PCDH7: variants seen among roughly 807,000 people sequenced by gnomAD.
PCDH7 encodes protocadherin-7.
In PCDH7, 17 loss-of-function variants were observed where a neutral mutation model predicts 58.9. The ratio of observed to expected loss-of-function variants is 0.29; its 90% CI spans 0.20 to 0.43. PCDH7 has a LOEUF of 0.43. Ranked by LOEUF, PCDH7 falls within the 20% of genes least tolerant of loss-of-function variation. The pLI is 1.00. For synonymous variants in PCDH7, 664 were observed against 616.4 expected (o/e 1.08, Z -1.14); for missense variants, 1,274 against 1,441.0 (o/e 0.88, Z 1.88).
At chr4:30,788,700 A>T (rs1353717189) in intron 1 of PCDH7, among the ~76,000 whole-genome samples, 9 of 152,124 alleles carry the variant, frequency 5.9e-5, no homozygotes, top group Non-Finnish European at 1.2e-4. Context: ...GACACTTAAG[A>T]TAAACAGATT....
At chr4:30,764,713 GT>G (rs764434179) in intron 1 of PCDH7, among the ~76,000 whole-genome samples, 1 of 57,962 alleles carries the variant, frequency 1.7e-5, no homozygotes, top group Non-Finnish European at 3.2e-5. Context: ...TTTGGTGTTT[GT>G]TTGTTTGTTT....
At position 30,720,598 on chromosome 4, in the gene PCDH7, G is replaced by A. The variant is rs757463590; in HGVS notation, c.-825G>A. 1.3e-5 allele frequency: 2 copies of A among 152,654 alleles called. No individual in the cohort carries two copies. Among genetic ancestry groups the A allele is most frequent in the Non-Finnish European group, 2.9e-5 (2 of 68,088 alleles). 9.5% of individuals were successfully genotyped at this position (152,654 alleles called of 1,614,324 possible). A position where few individuals can be genotyped will look rare whatever the true frequency, so the allele number is the denominator to read the frequency against. On this transcript the variant is annotated 5_prime_UTR_variant, in exon 1 of 2. The change creates a new upstream start codon in the 5' untranslated region. Transcript: ENST00000361762. This position sits in a 1 kb window ranked among gnomAD's most constrained non-coding sequence, Gnocchi z 4.7. ...AAAAGAGAAACCCGCGCTCTCCGGG[G>A]TGAGAAGGGACTGACTCTGGGCGTC... is the stretch of plus-strand genomic sequence containing the variant.
chr4:30,857,836 T>G (rs1032006691), intron 1 of PCDH7, among the ~76,000 whole-genome samples: 6 of 152,196 alleles, frequency 3.9e-5, no homozygotes, highest in African/African-American at 1.2e-4. Flanking sequence ...TGAATCAAAG[T>G]GCAGATCCCA....
intron 1 of PCDH7, among the ~76,000 whole-genome samples, chr4:30,903,823 T>C (rs1299737226): frequency 6.6e-6 from 1 of 152,092 alleles, no homozygotes; most frequent in African/African-American, 2.4e-5. Context: ...TCCAGAGACC[T>C]AGCCTACTTC....
chr4:30,794,488 A>G (rs1223598864), intron 1 of PCDH7, among the ~76,000 whole-genome samples: 2 of 152,118 alleles, frequency 1.3e-5, no homozygotes, highest in East Asian at 3.9e-4. Flanking sequence ...TAATCTATAG[A>G]TATCATTTGG....
exon 4 of PCDH7, chr4:31,142,912 C>T (rs1720431862): frequency 8.2e-7 from 1 of 1,215,604 alleles, no homozygotes; most frequent in Non-Finnish European, 1.1e-6. Flanking sequence ...GGGCAAAAAC[C>T]TTACAAAGCA....
chr4:31,086,071 C>A (rs1712393672), intron 3 of PCDH7, among the ~76,000 whole-genome samples: 1 of 152,110 alleles, frequency 6.6e-6, no homozygotes, highest in African/African-American at 2.4e-5. Flanking sequence ...TCAGTTAATC[C>A]ATTTTATTCC....
Position 30,986,189 on chromosome 4 carries a change from G to C in PCDH7, c.*7+35974G>C, listed in dbSNP as rs557706975. ...AAGTTGAAATTTTCCTTCTAGTATG[G>C]AGTCTGAGACATCTAACTTACAGTT... On this transcript the variant is annotated intron_variant, in intron 3 of 3. Coordinates refer to the PCDH7 transcript ENST00000509759. 3.9e-5 allele frequency among the ~76,000 whole-genome samples: 6 copies of C among 152,042 alleles called. 1 individual carries two copies. The South Asian group carries it at 1.2e-3, about 32-fold the overall frequency.
At chr4:30,829,149 G>A (rs1174544527) in intron 1 of PCDH7, among the ~76,000 whole-genome samples, 1 of 152,082 alleles carries the variant, frequency 6.6e-6, no homozygotes, top group Non-Finnish European at 1.5e-5. Context: ...TTTTGGAAGG[G>A]AAGAGCATTT....
At chr4:30,868,550 G>C (rs59783582) in intron 1 of PCDH7, among the ~76,000 whole-genome samples, 11,614 of 151,724 alleles carry the variant, frequency 0.077, 615 homozygotes, top group East Asian at 0.14. Flanking sequence ...GCAATTCCTT[G>C]TGCTTAATTT....
chr4:31,140,185 C>T (rs952623218), intron 3 of PCDH7, among the ~76,000 whole-genome samples: 20 of 152,072 alleles, frequency 1.3e-4, no homozygotes, highest in African/African-American at 4.8e-4. Context: ...CTTGTTTGAG[C>T]ATGAATATAG....
intron 1 of PCDH7, among the ~76,000 whole-genome samples, chr4:30,775,168 C>T (rs529364933): frequency 1.3e-5 from 2 of 152,042 alleles, no homozygotes; most frequent in African/African-American, 4.8e-5. Context: ...GTTAAAGTGC[C>T]GAGAGAGAAT....
At position 30,773,091 on chromosome 4, in the gene PCDH7, C is replaced by T. The variant is rs28759096; in HGVS notation, c.70+48495C>T. Among the ~76,000 whole-genome samples, 1,350 of 152,206 alleles carry T rather than the reference C, an allele frequency of 8.9e-3. 19 individuals are homozygous for T. Among genetic ancestry groups the T allele is most frequent in the African/African-American group, 0.03 (1,245 of 41,536 alleles). On this transcript the variant is annotated intron_variant, in intron 1 of 3. Coordinates refer to the PCDH7 transcript ENST00000509759. ...GCTAATTTTTGAATGTTTGTAGAGACGGGATTTTACTATCTTGGCCAGCCT... is the reference window on the plus strand; with the variant it reads ...GCTAATTTTTGAATGTTTGTAGAGATGGGATTTTACTATCTTGGCCAGCCT...
chr4:30,862,986 G>C (rs1179175266), intron 1 of PCDH7, among the ~76,000 whole-genome samples: 3 of 152,068 alleles, frequency 2.0e-5, no homozygotes, highest in Admixed American at 6.6e-5. Flanking sequence ...GTATACAACA[G>C]ATAAGTACTA....
At chr4:30,739,188 G>C in intron 1 of PCDH7, among the ~76,000 whole-genome samples, 1 of 139,442 alleles carries the variant, frequency 7.2e-6, no homozygotes, top group East Asian at 3.1e-4. Flanking sequence ...GTTCCAGTGT[G>C]CTGTAGGAGT....
rs189733045 is a variant in PCDH7 at position 31,007,646 on chromosome 4, A to G, written c.*7+57431A>G. On this transcript the variant is annotated intron_variant, in intron 3 of 3. Coordinates refer to the PCDH7 transcript ENST00000509759. ...AGGCAATTGTCTAAATAGTTTTCCA[A>G]ATTCTGGAAAAGAAGGAGCAAGAAT... Among the ~76,000 whole-genome samples the G allele has an allele frequency of 3.9e-3, 595 of 151,982 alleles. 5 individuals are homozygous for G. Among genetic ancestry groups the G allele is most frequent in the African/African-American group, 0.014 (572 of 41,460 alleles).
At chr4:30,913,337 A>G (rs796616479) in intron 1 of PCDH7, among the ~76,000 whole-genome samples, 1 of 152,222 alleles carries the variant, frequency 6.6e-6, no homozygotes, top group East Asian at 1.9e-4. Flanking sequence ...TCACAAAACA[A>G]AATAAAAAAT....
intron 3 of PCDH7, among the ~76,000 whole-genome samples, chr4:31,138,806 A>G (rs539532975): frequency 6.6e-6 from 1 of 152,074 alleles, no homozygotes; most frequent in South Asian, 2.1e-4. Flanking sequence ...ACCCCATTGT[A>G]TTTTGAAACA....
chr4:30,927,839 C>T lies in PCDH7; in HGVS notation c.287+7470C>T, dbSNP rs559867369. ...CCAAATCCCCCTCTGCGAGAAACACCCAAGAATGATCAATAAAAAAAACCA... is the reference window on the plus strand; with the variant it reads ...CCAAATCCCCCTCTGCGAGAAACACTCAAGAATGATCAATAAAAAAAACCA... On this transcript the variant is annotated intron_variant, in intron 2 of 3. Coordinates refer to the PCDH7 transcript ENST00000509759. Among the ~76,000 whole-genome samples the T allele has an allele frequency of 2.2e-4, 28 of 126,344 alleles. No homozygotes were observed. In the East Asian group the frequency reaches 5.5e-3, roughly 25 times the overall value. The allele number at this position is 126,344 out of a possible 152,430, so 82.9% of individuals were successfully genotyped here.
Sources: gnomAD v4.1 joint callset for allele counts (sites outside exome capture counted in the v4.1 genomes callset) on GRCh38, gnomAD v4.1.1 for gene constraint, Gnocchi (gnomAD v3.1) non-coding constraint, MANE v1.5 for transcripts, NCBI Gene and HGNC (gene_info 2026-07-23, HGNC 2026-07-21) for gene names.